The following PARD3B variants were observed in gnomAD, a reference collection of about 807,000 sequenced individuals.
PARD3B encodes the protein partitioning defective 3 homolog B.
A neutral mutation model predicts 130.2 loss-of-function variants in PARD3B; 103 were observed. That is an observed-to-expected ratio of 0.79 (90% CI 0.67 to 0.93). PARD3B has a LOEUF of 0.93. Among genes scored for constraint, PARD3B ranks in the 40% least tolerant of loss-of-function variants. The pLI, the probability that PARD3B is intolerant of heterozygous loss-of-function variation, is 0.00. For missense variants in PARD3B, 1,609 were observed against 1,499.2 expected, an observed-to-expected ratio of 1.07 and a Z score of -1.21; for synonymous variants, 583 against 553.2, an observed-to-expected ratio of 1.05 and a Z score of -0.76.
chr2:205,073,743 G>C (rs1185891230), intron 4 of PARD3B, among the ~76,000 whole-genome samples: 3 of 152,102 alleles, frequency 2.0e-5, no homozygotes, highest in Non-Finnish European at 4.4e-5. Context: ...CGTTAGAACA[G>C]GAAACCATTA....
At chr2:205,508,932 T>G (rs922050605) in intron 21 of PARD3B, among the ~76,000 whole-genome samples, 3 of 151,934 alleles carry the variant, frequency 2.0e-5, no homozygotes, top group Non-Finnish European at 4.4e-5. Flanking sequence ...AGAAAAAAAA[T>G]TGAGAAAAGA....
At chr2:205,506,868 G>T (rs1289336384) in intron 21 of PARD3B, among the ~76,000 whole-genome samples, 1 of 152,164 alleles carries the variant, frequency 6.6e-6, no homozygotes, top group Non-Finnish European at 1.5e-5. Context: ...AGGAAATTTT[G>T]TTGACTTATT....
At chr2:205,204,932 G>T (rs1480168841) in intron 15 of PARD3B, among the ~76,000 whole-genome samples, 1 of 152,108 alleles carries the variant, frequency 6.6e-6, no homozygotes, top group African/African-American at 2.4e-5. Flanking sequence ...GGCTATATGG[G>T]CTCCTTTTTG....
At chr2:205,402,618 TTCA>T (rs1452578909) in intron 19 of PARD3B, among the ~76,000 whole-genome samples, 1 of 152,140 alleles carries the variant, frequency 6.6e-6, no homozygotes, top group East Asian at 1.9e-4. Flanking sequence ...TAAGCAAGGG[TTCA>T]TTTCCTTTCT....
chr2:204,817,320 A>G (rs1167830698), intron 2 of PARD3B, among the ~76,000 whole-genome samples: 2 of 151,846 alleles, frequency 1.3e-5, no homozygotes, highest in African/African-American at 4.8e-5. Flanking sequence ...TTATTCCTAT[A>G]AAGGTCCTAG....
At chr2:204,862,601 A>G (rs1559208300) in intron 2 of PARD3B, among the ~76,000 whole-genome samples, 1 of 152,142 alleles carries the variant, frequency 6.6e-6, no homozygotes, top group Non-Finnish European at 1.5e-5. Flanking sequence ...CAAAGACTGA[A>G]TGGGTTTTAG....
At position 205,125,848 on chromosome 2, in the gene PARD3B, A is replaced by G. The variant is rs1421066194; in HGVS notation, c.1434+111A>G. 2.3e-5 allele frequency: 32 copies of G among 1,405,534 alleles called. No homozygotes were observed. Among genetic ancestry groups the G allele is most frequent in the Non-Finnish European group, 3.0e-5 (31 of 1,034,790 alleles). The allele number at this position is 1,405,534 out of a possible 1,614,324, so 87.1% of individuals were successfully genotyped here. A position where few individuals can be genotyped will look rare whatever the true frequency, so the allele number is the denominator to read the frequency against. ...TAAATCACAGGCTTCATTCATAACC[A>G]AAATTGAATCACACTCAGGGTATTT... On this transcript the variant is annotated intron_variant, in intron 10 of 22. Transcript: ENST00000406610. This position sits in a 1 kb window ranked among gnomAD's most constrained non-coding sequence, Gnocchi z 4.0.
chr2:205,459,218 A>G (rs2048369541), intron 20 of PARD3B, among the ~76,000 whole-genome samples: 1 of 152,160 alleles, frequency 6.6e-6, no homozygotes, highest in African/African-American at 2.4e-5. Context: ...GTGCTTACCT[A>G]CCTACCTTTT....
intron 20 of PARD3B, among the ~76,000 whole-genome samples, chr2:205,486,400 T>G (rs960232774): frequency 6.6e-6 from 1 of 152,160 alleles, no homozygotes; most frequent in Non-Finnish European, 1.5e-5. Context: ...TTGAATGCCC[T>G]TTGGGAGCTA....
chr2:204,802,633 C>T (rs2042612589), intron 2 of PARD3B, among the ~76,000 whole-genome samples: 1 of 152,164 alleles, frequency 6.6e-6, no homozygotes, highest in African/African-American at 2.4e-5. Context: ...AAATGTGGCA[C>T]ATATACACCA....
chr2:205,077,806 G>C (rs1300690731), intron 4 of PARD3B, among the ~76,000 whole-genome samples: 1 of 152,090 alleles, frequency 6.6e-6, no homozygotes, highest in Non-Finnish European at 1.5e-5. Context: ...AAAAGAGACT[G>C]TTCAGTTGAA....
At chr2:204,774,212 G>T (rs532413273) in intron 2 of PARD3B, among the ~76,000 whole-genome samples, 1 of 151,770 alleles carries the variant, frequency 6.6e-6, no homozygotes, top group South Asian at 2.1e-4. Context: ...ATGCTGTTTT[G>T]TTTTTCTTTA....
chr2:205,352,222 G>A lies in PARD3B; in HGVS notation c.2631-48791G>A, dbSNP rs533189092. Among the ~76,000 whole-genome samples the A allele has an allele frequency of 6.6e-6, 1 of 152,174 alleles. No homozygotes were observed. Among genetic ancestry groups the A allele is most frequent in the South Asian group, 2.1e-4 (1 of 4,812 alleles). On this transcript the variant is annotated intron_variant, in intron 18 of 22. Coordinates refer to ENST00000406610, the MANE Select transcript of PARD3B (RefSeq NM_001302769.2). This position sits in a 1 kb window ranked among gnomAD's most constrained non-coding sequence, Gnocchi z 5.2. Reference sequence around the variant, plus strand: ...GAATCTTACATCAAGTGAACATGGAGGACTGAATATTTAAACCATGTGTGA... The same window carrying A: ...GAATCTTACATCAAGTGAACATGGAAGACTGAATATTTAAACCATGTGTGA...
chr2:205,035,052 A>C (rs1055714111), intron 3 of PARD3B, among the ~76,000 whole-genome samples: 2 of 151,884 alleles, frequency 1.3e-5, no homozygotes, highest in African/African-American at 4.8e-5. Context: ...TAGTAGAGAC[A>C]GGGTTTCACC....
intron 2 of PARD3B, among the ~76,000 whole-genome samples, chr2:204,816,880 A>G (rs2043167469): frequency 6.6e-6 from 1 of 151,874 alleles, no homozygotes; most frequent in African/African-American, 2.4e-5. Context: ...CAGCTCCTTT[A>G]AGCTGCCCCA....
intron 18 of PARD3B, among the ~76,000 whole-genome samples, chr2:205,331,997 C>T (rs1462355000): frequency 6.6e-6 from 1 of 151,716 alleles, no homozygotes; most frequent in Non-Finnish European, 1.5e-5. Context: ...CCCAGCTACT[C>T]GGGAAACCGA....
In PARD3B at chr2:205,564,884, C is replaced by T. The variant is rs1375496506; in HGVS notation, c.3260+11481C>T. On this transcript the variant is annotated intron_variant, in intron 22 of 22. Transcript: ENST00000406610. This position sits in a 1 kb window ranked among gnomAD's most constrained non-coding sequence, Gnocchi z 4.6. ...GTTCCTGCTTCTATTCCAAGTCTCT[C>T]ATTAAGCCTAGACAGAAGTGACCAG... Among the ~76,000 whole-genome samples the T allele has an allele frequency of 6.6e-6, 1 of 152,202 alleles. No homozygotes were observed. The highest frequency in any genetic ancestry group is 2.4e-5 in the African/African-American group (1 of 41,448).
chr2:204,875,713 G>GTTTTGAGT (rs1434133664), intron 2 of PARD3B, among the ~76,000 whole-genome samples: 1 of 152,148 alleles, frequency 6.6e-6, no homozygotes, highest in African/African-American at 2.4e-5. Context: ...TTCTTAATCT[G>GTTTTGAGT]TTTTGAGTTT....
intron 20 of PARD3B, among the ~76,000 whole-genome samples, chr2:205,441,394 C>T (rs146496137): frequency 2.2e-4 from 33 of 152,264 alleles, no homozygotes; most frequent in African/African-American, 7.9e-4. Context: ...TCTTGAAAGA[C>T]TGATGTAAGA....
Sources: allele counts gnomAD v4.1 joint callset (sites outside exome capture counted in the v4.1 genomes callset), GRCh38; gene constraint gnomAD v4.1.1; non-coding constraint Gnocchi (gnomAD v3.1); transcripts MANE v1.5; gene names NCBI Gene and HGNC (gene_info 2026-07-23, HGNC 2026-07-21).